The following TRPV1 variants were observed in gnomAD, a reference collection of about 807,000 sequenced individuals.
TRPV1 encodes the protein OTRPC1.
In TRPV1, 82 loss-of-function variants were observed where a neutral mutation model predicts 82.3. That is an observed-to-expected ratio of 1.00 (90% CI 0.83 to 1.20). The LOEUF is 1.20. Among genes scored for constraint, TRPV1 ranks in the 50% most tolerant of loss-of-function variants. TRPV1 has a pLI of 0.00. For synonymous variants in TRPV1, 515 were observed against 467.7 expected, an observed-to-expected ratio of 1.10 and a Z score of -1.30; for missense variants, 1,067 against 1,096.8, an observed-to-expected ratio of 0.97 and a Z score of 0.38.
intron 9 of TRPV1, 115 bp downstream of exon 9, chr17:3,585,653 G>T: frequency 7.6e-7 from 1 of 1,308,142 alleles, no homozygotes; most frequent in Non-Finnish European, 1.0e-6. Flanking sequence ...CCCGCAAGCT[G>T]GGAAGGAGTC....
Position 3,591,264 on chromosome 17 carries a change from T to A in TRPV1, c.374A>T (p.Asn125Ile). 1 of 1,613,404 alleles carries A rather than the reference T, an allele frequency of 6.2e-7. No homozygotes were observed. The highest frequency in any genetic ancestry group is 8.5e-7 in the Non-Finnish European group (1 of 1,179,858). The change falls in exon 4 of 17, where the codon AAT (asparagine) becomes ATT (isoleucine). Residue 125 changes from asparagine to isoleucine, a missense_variant. By Grantham distance (149) the Asn-to-Ile change is moderately radical (BLOSUM62 -3). Transcript: ENST00000572705. ...RRSIFEAVAQ[N>I]NCQDLESLLL... ...CAGGCTCTCCAGATCCTGGCAGTTA[T>A]TCTGAGCAACGGCTTCAAAGATACT...
Position 3,584,402 on chromosome 17 carries a change from C to CAAAAA in TRPV1, c.1384-977_1384-973dup, listed in dbSNP as rs1447579699. On this transcript the variant is annotated intron_variant, in intron 9 of 16. Coordinates refer to ENST00000572705, the MANE Select transcript of TRPV1 (RefSeq NM_080704.4). ...TGGAAAACAGAGAGAGACTCTGTCT[C>CAAAAA]AAAAAAAAAAAAAATAAAATAAAAA... 1.0e-3 allele frequency among the ~76,000 whole-genome samples: 17 copies of CAAAAA among 16,770 alleles called. 1 individual carries two copies. Among genetic ancestry groups the CAAAAA allele is most frequent in the Admixed American group, 4.1e-3 (7 of 1,702 alleles). 11.0% of individuals were successfully genotyped at this position (16,770 alleles called of 152,430 possible).
At position 3,589,703 on chromosome 17, in the gene TRPV1, C is replaced by A. The variant is rs540017401; in HGVS notation, c.1044+104G>T. The A allele has an allele frequency of 2.2e-6, 3 of 1,344,946 alleles. No individual in the cohort carries two copies. In the African/African-American group the frequency reaches 4.4e-5, roughly 20 times the overall value. The allele number at this position is 1,344,946 out of a possible 1,614,324, so 83.3% of individuals were successfully genotyped here. A position where few individuals can be genotyped will look rare whatever the true frequency, so the allele number is the denominator to read the frequency against. Reference sequence around the variant, plus strand: ...GGCTGGTATGACAGAATCAGAGTCCCGCACACACAGATAGCGACGCCAGGC... The same window carrying A: ...GGCTGGTATGACAGAATCAGAGTCCAGCACACACAGATAGCGACGCCAGGC... On this transcript the variant is annotated intron_variant, in intron 7 of 16. Coordinates refer to ENST00000572705, the MANE Select transcript of TRPV1 (RefSeq NM_080704.4).
At chr17:3,598,226 G>T (rs2075235825) in intron 2 of TRPV1, among the ~76,000 whole-genome samples, 1 of 152,242 alleles carries the variant, frequency 6.6e-6, no homozygotes, top group South Asian at 2.1e-4. Context: ...GGTCCAGCCT[G>T]GAATAAGCAG....
intron 11 of TRPV1, chr17:3,578,289 C>T (rs2074960626): frequency 6.6e-6 from 1 of 151,984 alleles, no homozygotes; most frequent in African/African-American, 2.4e-5. Flanking sequence ...GCCTGGGAGA[C>T]AGAGCGAGAC....
intron 2 of TRPV1, chr17:3,596,956 G>T (rs1022898218): frequency 6.6e-6 from 1 of 152,318 alleles, no homozygotes; most frequent in Non-Finnish European, 1.5e-5. Flanking sequence ...ACGGGTGCTT[G>T]TGAGCTTGAA....
chr17:3,599,397 C>A (rs2075245501), intron 2 of TRPV1, among the ~76,000 whole-genome samples: 3 of 152,112 alleles, frequency 2.0e-5, no homozygotes, highest in African/African-American at 7.2e-5. Flanking sequence ...TTTTCATCAT[C>A]CCAAACTGAA....
chr17:3,605,869 G>A lies in TRPV1; in HGVS notation c.-34+2558C>T, dbSNP rs182834326. Among the ~76,000 whole-genome samples the A allele has an allele frequency of 3.3e-4, 51 of 152,288 alleles. 1 individual carries two copies. The highest frequency in any genetic ancestry group is 1.2e-3 in the Admixed American group (19 of 15,276). On this transcript the variant is annotated intron_variant, in intron 2 of 16. Transcript: ENST00000572705. ...GGTCTGTGCTGGGTGCATGGGAGAC[G>A]TCCCAGGTGCAGGCTACTGAGGCTG...
chr17:3,579,726 T>C (rs1394885182), intron 11 of TRPV1, among the ~76,000 whole-genome samples: 1 of 152,182 alleles, frequency 6.6e-6, no homozygotes, highest in East Asian at 1.9e-4. Flanking sequence ...TCCACCCGCC[T>C]CAGCCTCCCA....
chr17:3,590,155 C>G (rs751097704), intron 6 of TRPV1, 50 bp from the exon 7 acceptor site: 1 of 1,584,944 alleles, frequency 6.3e-7, no homozygotes. Context: ...ATCCAGCTGG[C>G]CCCTGAACCA....
chr17:3,601,169 C>G (rs73303356), intron 2 of TRPV1, among the ~76,000 whole-genome samples: 21,274 of 152,058 alleles, frequency 0.14, 4,912 homozygotes, highest in African/African-American at 0.48. Context: ...GCCTCTCCTT[C>G]TCGGCCCTCC....
chr17:3,577,255 C>T lies in TRPV1; in HGVS notation c.1714-63G>A, dbSNP rs551055986. ...GCCCAGGAGGAGCTGAGGGAAGGGC[C>T]GGGCCGCATCGGCCTGGGGATGCGT... On this transcript the variant is annotated intron_variant, in intron 12 of 16. Transcript: ENST00000572705. The T allele has an allele frequency of 1.2e-5, 19 of 1,521,282 alleles. No homozygotes were observed. In the Admixed American group the frequency reaches 1.4e-4, roughly 11 times the overall value. 94.2% of individuals were successfully genotyped at this position (1,521,282 alleles called of 1,614,324 possible). A position where few individuals can be genotyped will look rare whatever the true frequency, so the allele number is the denominator to read the frequency against.
intron 2 of TRPV1, among the ~76,000 whole-genome samples, chr17:3,599,299 G>A (rs937388344): frequency 4.1e-4 from 52 of 128,034 alleles, no homozygotes; most frequent in Non-Finnish European, 5.6e-4. Flanking sequence ...AAAATTTACC[G>A]TATTAACCAT....
chr17:3,577,298 C>T (rs1421020228), intron 12 of TRPV1, 106 bp from the exon 13 acceptor site: 24 of 1,266,816 alleles, frequency 1.9e-5, no homozygotes, highest in Admixed American at 6.5e-5. Flanking sequence ...ACGTGCAGGG[C>T]GGTTTGCTTT....
rs560339396 is a variant in TRPV1, at chr17:3,583,814, C to T, written c.1384-384G>A. Among the ~76,000 whole-genome samples the T allele has an allele frequency of 1.5e-3, 236 of 152,340 alleles. 1 individual carries two copies. The highest frequency in any genetic ancestry group is 5.6e-3 in the African/African-American group (231 of 41,586). On this transcript the variant is annotated intron_variant, in intron 9 of 16. Coordinates refer to ENST00000572705, the MANE Select transcript of TRPV1 (RefSeq NM_080704.4). ...ACCCCAGCCCATGGCCAGTCTCCCA[C>T]GAGTGTCAGGGACTCCCACTGACCA...
At chr17:3,582,519 C>G (rs930994300) in intron 10 of TRPV1, among the ~76,000 whole-genome samples, 3 of 151,580 alleles carry the variant, frequency 2.0e-5, no homozygotes, top group Admixed American at 6.6e-5. Context: ...AACTAGAAAT[C>G]TTAGATTATA....
At chr17:3,579,259 A>T (rs2074974466) in intron 11 of TRPV1, among the ~76,000 whole-genome samples, 1 of 152,190 alleles carries the variant, frequency 6.6e-6, no homozygotes, top group Non-Finnish European at 1.5e-5. Context: ...CCAAAAAAAA[A>T]AATTGGGTTA....
Position 3,580,509 on chromosome 17 carries a change from T to G in TRPV1, c.1495A>C (p.Arg499=). 1 of 1,614,038 alleles carries G rather than the reference T, an allele frequency of 6.2e-7. No homozygotes were observed. The highest frequency in any genetic ancestry group is 8.5e-7 in the Non-Finnish European group (1 of 1,179,908). Residue 499 remains arginine, a synonymous_variant, in exon 11 of 17, where the codon AGG becomes CGG. Transcript: ENST00000572705. ...FFRGIQYFLQ[R]RPSMKTLFVD... The stretch of plus-strand genomic sequence containing the variant: ...AACAGGGTCTTCATCGACGGCCGCC[T>G]CTGCAGGAAATACTGAATCTGCAGG...
intron 2 of TRPV1, among the ~76,000 whole-genome samples, chr17:3,606,557 G>A (rs957725743): frequency 3.9e-5 from 6 of 152,164 alleles, no homozygotes; most frequent in Non-Finnish European, 7.3e-5. Context: ...AAGGAGCCCC[G>A]CTCACCACTT....
Sources: gnomAD v4.1 joint callset for allele counts (sites outside exome capture counted in the v4.1 genomes callset) on GRCh38, gnomAD v4.1.1 for gene constraint, MANE v1.5 for transcripts, NCBI Gene and HGNC (gene_info 2026-07-23, HGNC 2026-07-21) for gene names.